C1orf185: variants seen among roughly 807,000 people sequenced by gnomAD.
C1orf185 encodes the protein uncharacterized protein C1orf185.
C1orf185 carries 13 observed loss-of-function variants against 16.1 expected under a neutral mutation model. The ratio of observed to expected loss-of-function variants is 0.81; its 90% CI spans 0.53 to 1.28. The LOEUF (loss-of-function observed/expected upper bound fraction) is 1.28. Ranked by LOEUF, C1orf185 falls within the 50% of genes most tolerant of loss-of-function variation. The pLI is 0.00. For missense variants in C1orf185, 220 were observed against 225.2 expected, an observed-to-expected ratio of 0.98 and a Z score of 0.15; for synonymous variants, 80 against 76.9, an observed-to-expected ratio of 1.04 and a Z score of -0.21.
At chr1:51,113,649 C>A (rs1646139047) in intron 2 of C1orf185, among the ~76,000 whole-genome samples, 1 of 152,150 alleles carries the variant, frequency 6.6e-6, no homozygotes, top group Non-Finnish European at 1.5e-5. Flanking sequence ...TGTGCCATTG[C>A]ACTACAGCCT....
intron 3 of C1orf185, among the ~76,000 whole-genome samples, chr1:51,145,142 A>C (rs1396684816): frequency 2.0e-5 from 3 of 152,030 alleles, no homozygotes; most frequent in Admixed American, 2.0e-4. Context: ...TTTATTTGCT[A>C]TAAAAAAATA....
At chr1:51,109,929 T>C (rs999192043) in intron 1 of C1orf185, among the ~76,000 whole-genome samples, 1 of 152,352 alleles carries the variant, frequency 6.6e-6, no homozygotes, top group South Asian at 2.1e-4. Context: ...GTGAAGAATT[T>C]CATTGTTATT....
chr1:51,133,031 A>G (rs913489061), intron 3 of C1orf185, among the ~76,000 whole-genome samples: 1 of 152,242 alleles, frequency 6.6e-6, no homozygotes, highest in Non-Finnish European at 1.5e-5. Context: ...CATTACCACC[A>G]GATCTGCCTT....
downstream of C1orf185, among the ~76,000 whole-genome samples, chr1:51,152,229 A>G (rs945511188): frequency 1.3e-5 from 2 of 152,220 alleles, no homozygotes; most frequent in African/African-American, 2.4e-5. Context: ...AGAACTGGAC[A>G]TAGGGCGGAG....
At chr1:51,151,667 T>A (rs979449274), downstream of C1orf185, among the ~76,000 whole-genome samples, 1 of 151,936 alleles carries the variant, frequency 6.6e-6, no homozygotes, top group Non-Finnish European at 1.5e-5. Flanking sequence ...CATTTAAAAA[T>A]TTATTTTATT....
intron 1 of C1orf185, chr1:51,107,367 A>T (rs937049684): frequency 1.6e-4 from 25 of 152,230 alleles, no homozygotes; most frequent in African/African-American, 5.8e-4. Context: ...ATGAAATATT[A>T]TAGATAAAGT....
At chr1:51,142,931 T>C (rs1646374874) in intron 3 of C1orf185, among the ~76,000 whole-genome samples, 1 of 151,914 alleles carries the variant, frequency 6.6e-6, no homozygotes, top group Non-Finnish European at 1.5e-5. Context: ...GCCTGGCTAA[T>C]TTTTGTATTT....
At chr1:51,150,950 C>T (rs1457700351), downstream of C1orf185, among the ~76,000 whole-genome samples, 2 of 152,122 alleles carry the variant, frequency 1.3e-5, no homozygotes, top group East Asian at 3.8e-4. Context: ...CCAGAGGGAG[C>T]CACTGTCTCT....
intron 3 of C1orf185, among the ~76,000 whole-genome samples, chr1:51,138,236 G>T (rs1646340632): frequency 6.6e-6 from 1 of 151,974 alleles, no homozygotes; most frequent in Non-Finnish European, 1.5e-5. Flanking sequence ...AAATTAAAAA[G>T]AAATCTTATT....
At chr1:51,104,885 T>A (rs1646057496) in intron 1 of C1orf185, among the ~76,000 whole-genome samples, 1 of 152,268 alleles carries the variant, frequency 6.6e-6, no homozygotes, top group African/African-American at 2.4e-5. Flanking sequence ...CTCAGGACAT[T>A]TTAAGGAACA....
At chr1:51,139,916 AG>A (rs1434343559) in intron 3 of C1orf185, among the ~76,000 whole-genome samples, 2 of 152,232 alleles carry the variant, frequency 1.3e-5, no homozygotes, top group Non-Finnish European at 2.9e-5. Context: ...AAGTCTCTAT[AG>A]AACATCCTAT....
intron 3 of C1orf185, among the ~76,000 whole-genome samples, chr1:51,121,143 C>G (rs898097322): frequency 3.7e-4 from 56 of 152,064 alleles, no homozygotes; most frequent in Non-Finnish European, 2.9e-5. Flanking sequence ...TAGTGATTTT[C>G]AACAATACAA....
chr1:51,106,357 A>G (rs777046944), intron 1 of C1orf185, among the ~76,000 whole-genome samples: 3 of 152,078 alleles, frequency 2.0e-5, no homozygotes, highest in Non-Finnish European at 4.4e-5. Context: ...AGTTTTTGCT[A>G]TCTCTCTCCC....
At chr1:51,137,431 G>A (rs944482167) in intron 3 of C1orf185, among the ~76,000 whole-genome samples, 2 of 152,148 alleles carry the variant, frequency 1.3e-5, no homozygotes, top group African/African-American at 4.8e-5. Context: ...CTACTTGGGA[G>A]GCTGAGGCAG....
chr1:51,150,242 A>G (rs189951146), downstream of C1orf185, among the ~76,000 whole-genome samples: 1 of 150,620 alleles, frequency 6.6e-6, no homozygotes, highest in East Asian at 1.9e-4. Flanking sequence ...CCCGGGCTAG[A>G]GTGCAATGGT....
chr1:51,125,297 G>A (rs1557647894), intron 3 of C1orf185, among the ~76,000 whole-genome samples: 1 of 152,114 alleles, frequency 6.6e-6, no homozygotes, highest in African/African-American at 2.4e-5. Flanking sequence ...TCTTTTAGGG[G>A]GTTATAAACA....
chr1:51,114,720 T>C (rs912669190), intron 2 of C1orf185, among the ~76,000 whole-genome samples: 1 of 152,118 alleles, frequency 6.6e-6, no homozygotes, highest in South Asian at 2.1e-4. Flanking sequence ...AGACTCTGTC[T>C]CAAAAATAAA....
intron 3 of C1orf185, among the ~76,000 whole-genome samples, chr1:51,119,963 C>T (rs1296137857): frequency 6.6e-6 from 1 of 151,860 alleles, no homozygotes; most frequent in Non-Finnish European, 1.5e-5. Context: ...TAAGAGCTCA[C>T]AAAGTTGAAG....
intron 4 of C1orf185, 119 bp from the exon 5 acceptor site, chr1:51,147,348 T>C (rs933982607): frequency 2.4e-6 from 2 of 845,772 alleles, no homozygotes; most frequent in Non-Finnish European, 1.8e-6. Flanking sequence ...TATAACACTG[T>C]GTGGATGATA....
Sources: allele counts gnomAD v4.1 joint callset (sites outside exome capture counted in the v4.1 genomes callset), GRCh38; gene constraint gnomAD v4.1.1; transcripts MANE v1.5; gene names NCBI Gene and HGNC (gene_info 2026-07-23, HGNC 2026-07-21).